The following GABRA2 variants were observed in gnomAD, a reference collection of about 807,000 sequenced individuals.
GABRA2 encodes gamma-aminobutyric acid receptor subunit alpha-2.
In GABRA2, 16 loss-of-function variants were observed where a neutral mutation model predicts 48.7. The ratio of observed to expected loss-of-function variants is 0.33; its 90% CI spans 0.22 to 0.50. GABRA2 has a LOEUF of 0.50. GABRA2 is among the 20% of genes least tolerant of loss of function. GABRA2 has a pLI of 0.98. For missense variants in GABRA2, 275 were observed against 535.6 expected, an observed-to-expected ratio of 0.51 and a Z score of 4.80; for synonymous variants, 185 against 184.5, an observed-to-expected ratio of 1.00 and a Z score of -0.02.
At chr4:46,317,904 A>T (rs933541636) in intron 4 of GABRA2, among the ~76,000 whole-genome samples, 10 of 151,892 alleles carry the variant, frequency 6.6e-5, no homozygotes, top group African/African-American at 2.4e-5. Context: ...CTGGTCAATG[A>T]TAGTATCAGA....
At chr4:46,260,428 T>C (rs1383613526) in intron 9 of GABRA2, among the ~76,000 whole-genome samples, 1 of 151,886 alleles carries the variant, frequency 6.6e-6, no homozygotes, top group East Asian at 1.9e-4. Flanking sequence ...GTTTTTCACA[T>C]TTAGAGGTAC....
chr4:46,379,364 C>A (rs888891243), intron 3 of GABRA2, among the ~76,000 whole-genome samples: 1 of 152,150 alleles, frequency 6.6e-6, no homozygotes, highest in Non-Finnish European at 1.5e-5. Flanking sequence ...CATCCCACTT[C>A]AGGCACCCAA....
At chr4:46,367,021 T>C (rs1489123645) in intron 3 of GABRA2, 1 of 152,168 alleles carries the variant, frequency 6.6e-6, no homozygotes, top group East Asian at 1.9e-4. Context: ...ACTGCTCAGA[T>C]GGTCTGAAAA....
rs546976146 is a variant in GABRA2, at chr4:46,310,159, A to G, written c.559+14T>C. On this transcript the variant is annotated intron_variant, in intron 6 of 9. Transcript: ENST00000381620. ...TTATTGACCCAAAACATGTAACTTCATCCCTGTACTTACAGCTGCCAAATT... is the reference window on the plus strand; with the variant it reads ...TTATTGACCCAAAACATGTAACTTCGTCCCTGTACTTACAGCTGCCAAATT... 6.2e-7 allele frequency: 1 copy of G among 1,604,642 alleles called. No individual in the cohort carries two copies. The highest frequency in any genetic ancestry group is 1.7e-5 in the Admixed American group (1 of 59,972).
chr4:46,273,536 T>TGA (rs367722209), intron 8 of GABRA2, among the ~76,000 whole-genome samples: 1 of 26,830 alleles, frequency 3.7e-5, no homozygotes, highest in African/African-American at 1.6e-4. Context: ...TATATATATA[T>TGA]GAGAGAGAGA....
chr4:46,333,091 A>C (rs1181187147), intron 3 of GABRA2, among the ~76,000 whole-genome samples: 1 of 152,184 alleles, frequency 6.6e-6, no homozygotes, highest in Non-Finnish European at 1.5e-5. Flanking sequence ...ATCTCGTGAT[A>C]GTAGAGACTC....
chr4:46,334,945 T>G lies in GABRA2; in HGVS notation c.188-2263A>C, dbSNP rs543032282. On this transcript the variant is annotated intron_variant, in intron 3 of 9. Transcript: ENST00000381620. ...AGTCTGGGAAAGGTATTCTTAACAA[T>G]GAGTTTTTTGGTTTTTTTGGTCAGA... Among the ~76,000 whole-genome samples, 6 of 152,290 alleles carry G rather than the reference T, an allele frequency of 3.9e-5. No individual in the cohort carries two copies. In the South Asian group the frequency reaches 1.2e-3, roughly 32 times the overall value.
At chr4:46,351,748 A>C (rs532912137) in intron 3 of GABRA2, among the ~76,000 whole-genome samples, 1 of 152,036 alleles carries the variant, frequency 6.6e-6, no homozygotes, top group Non-Finnish European at 1.5e-5. Context: ...ATTTCTCAGC[A>C]TGATCATATC....
intron 9 of GABRA2, among the ~76,000 whole-genome samples, chr4:46,258,793 T>G (rs1716373569): frequency 6.6e-6 from 1 of 151,784 alleles, no homozygotes; most frequent in South Asian, 2.1e-4. Context: ...TTAATGGGGA[T>G]TCCTTGAGAA....
chr4:46,313,749 C>T (rs1054582524), intron 4 of GABRA2, among the ~76,000 whole-genome samples: 1 of 152,012 alleles, frequency 6.6e-6, no homozygotes, highest in African/African-American at 2.4e-5. Flanking sequence ...AATTGAAATG[C>T]TCAATTACAC....
At chr4:46,388,893 C>A (rs1282353818) in intron 1 of GABRA2, 177 bp from the exon 2 acceptor site, 2 of 1,336,376 alleles carry the variant, frequency 1.5e-6, no homozygotes, top group East Asian at 2.9e-5. Context: ...TTTTATGGAC[C>A]CCCACCCCCA....
rs1713393337 is a variant in GABRA2, at chr4:46,244,760, T to G, written c.*5548A>C. On this transcript the variant is annotated 3_prime_UTR_variant, in exon 10 of 10. Coordinates refer to ENST00000381620, the MANE Select transcript of GABRA2 (RefSeq NM_000807.4). Reference sequence around the variant, plus strand: ...ATTAATCATTTTTAATACGTGATCATTACTTGTGAACCAAAAAAGAAAACT... The same window carrying G: ...ATTAATCATTTTTAATACGTGATCAGTACTTGTGAACCAAAAAAGAAAACT... Among the ~76,000 whole-genome samples, 1 of 151,490 alleles carries G rather than the reference T, an allele frequency of 6.6e-6. No homozygotes were observed. The highest frequency in any genetic ancestry group is 2.4e-5 in the African/African-American group (1 of 41,384).
At chr4:46,309,153 A>G (rs889241374) in intron 6 of GABRA2, among the ~76,000 whole-genome samples, 1 of 152,142 alleles carries the variant, frequency 6.6e-6, no homozygotes, top group Non-Finnish European at 1.5e-5. Flanking sequence ...GAAAATTGAG[A>G]CCTGACACCT....
chr4:46,284,053 C>T (rs1320192620), intron 8 of GABRA2, among the ~76,000 whole-genome samples: 1 of 147,694 alleles, frequency 6.8e-6, no homozygotes, highest in East Asian at 2.0e-4. Flanking sequence ...GCCACCAAGT[C>T]CGGCCTGATT....
chr4:46,332,745 G>T, intron 3 of GABRA2, 63 bp from the exon 4 acceptor site: 5 of 976,026 alleles, frequency 5.1e-6, no homozygotes, highest in Non-Finnish European at 8.1e-6. Flanking sequence ...AGAGAGAAGG[G>T]TTTGAGTACA....
intron 3 of GABRA2, chr4:46,366,452 G>A (rs1714053070): frequency 6.6e-6 from 1 of 152,030 alleles, no homozygotes; most frequent in East Asian, 1.9e-4. Context: ...TATACTCATT[G>A]ATACCACCTT....
chr4:46,279,495 T>C (rs893004542), intron 8 of GABRA2, among the ~76,000 whole-genome samples: 1 of 152,048 alleles, frequency 6.6e-6, no homozygotes, highest in African/African-American at 2.4e-5. Context: ...TTTTCATCTC[T>C]TTTTTTAAAT....
chr4:46,259,355 T>C (rs932949352), intron 9 of GABRA2, among the ~76,000 whole-genome samples: 1 of 151,894 alleles, frequency 6.6e-6, no homozygotes, highest in Non-Finnish European at 1.5e-5. Flanking sequence ...AAGACTTTCT[T>C]GTCTAATTTC....
chr4:46,388,992 A>G, intron 1 of GABRA2: 1 of 1,234,252 alleles, frequency 8.1e-7, no homozygotes, highest in African/African-American at 1.6e-5. Flanking sequence ...TCTCTCTGCC[A>G]GGAACGTCCC....
Sources: allele counts gnomAD v4.1 joint callset (sites outside exome capture counted in the v4.1 genomes callset), GRCh38; gene constraint gnomAD v4.1.1; transcripts MANE v1.5; gene names NCBI Gene and HGNC (gene_info 2026-07-23, HGNC 2026-07-21).